The following AGGF1 variants were observed in gnomAD, a reference collection of about 807,000 sequenced individuals.
AGGF1 encodes the protein angiogenic factor with G patch and FHA domains 1.
Under a neutral mutation model 86.5 loss-of-function variants are expected in AGGF1, and 56 were observed. The ratio of observed to expected loss-of-function variants is 0.65; its 90% CI spans 0.52 to 0.81. AGGF1 has a LOEUF of 0.81. Ranked by LOEUF, AGGF1 falls within the 30% of genes least tolerant of loss-of-function variation. The pLI is 0.00. For synonymous variants in AGGF1, 313 were observed against 297.1 expected, an observed-to-expected ratio of 1.05 and a Z score of -0.55; for missense variants, 816 against 850.9, an observed-to-expected ratio of 0.96 and a Z score of 0.51.
At chr5:77,057,570 A>T (rs1020711967) in intron 11 of AGGF1, among the ~76,000 whole-genome samples, 1 of 152,234 alleles carries the variant, frequency 6.6e-6, no homozygotes, top group Non-Finnish European at 1.5e-5. Context: ...GTGAGACGGA[A>T]CACACTCTCA....
Position 77,048,916 on chromosome 5 carries a change from CACTTT to C in AGGF1, c.1314-15_1314-11del, listed in dbSNP as rs768098521. ...AATATGCTTCAAAAATTATTAAAGA[CACTTT>C]ACTTAACTCTGCAGAGAAAAGGATA... On this transcript the variant is annotated splice_polypyrimidine_tract_variant and intron_variant, in intron 7 of 13. Transcript: ENST00000312916. 1.9e-6 allele frequency: 3 copies of C among 1,611,592 alleles called. No homozygotes were observed. Among genetic ancestry groups the C allele is most frequent in the Non-Finnish European group, 2.5e-6 (3 of 1,178,268 alleles).
intron 10 of AGGF1, among the ~76,000 whole-genome samples, chr5:77,054,473 CT>C (rs751975752): frequency 3.3e-5 from 5 of 152,180 alleles, no homozygotes; most frequent in Non-Finnish European, 7.4e-5. Flanking sequence ...GATAAGCTCT[CT>C]TTCTGCTAAT....
chr5:77,040,563 A>G (rs1747057964), intron 5 of AGGF1, among the ~76,000 whole-genome samples: 1 of 152,210 alleles, frequency 6.6e-6, no homozygotes, highest in Admixed American at 6.5e-5. Context: ...GTAGGCTTTC[A>G]GATGGTACTT....
Position 77,035,724 on chromosome 5 carries a change from A to G in AGGF1, c.497A>G (p.His166Arg). Reference protein sequence around the residue: ...TENVKYRQVDHFASNSQEPAS... With the variant: ...TENVKYRQVDRFASNSQEPAS... ...AATGTTAAATATAGACAAGTGGACC[A>G]TTTTGCCTCAAATTCACAGGTAATA... Residue 166 changes from histidine to arginine, a missense_variant, in exon 3 of 14, where the codon CAT (histidine) becomes CGT (arginine). His to Arg is a conservative substitution (Grantham distance 29, BLOSUM62 0). Around this residue, in one of 3 missense-constraint regions of AGGF1, gnomAD observed 240 missense variants for 234.4 expected, o/e 1.02. Coordinates refer to ENST00000312916, the MANE Select transcript of AGGF1 (RefSeq NM_018046.5). 1 of 1,613,540 alleles carries G rather than the reference A, an allele frequency of 6.2e-7. No individual in the cohort carries two copies. The highest frequency in any genetic ancestry group is 8.5e-7 in the Non-Finnish European group (1 of 1,179,626).
intron 9 of AGGF1, 138 bp downstream of exon 9, chr5:77,052,945 G>GAAAGGCTGAA (rs1747400822): frequency 1.3e-6 from 1 of 746,592 alleles, no homozygotes. Context: ...GGAATTTCCA[G>GAAAGGCTGAA]AAAGGCTGAA....
intron 5 of AGGF1, among the ~76,000 whole-genome samples, chr5:77,041,831 T>G (rs1747092755): frequency 6.7e-6 from 1 of 148,674 alleles, no homozygotes; most frequent in Admixed American, 6.7e-5. Context: ...TTTATTTTTT[T>G]ATTGATAATT....
rs1046903932 is a variant in AGGF1 at position 77,063,066 on chromosome 5, T to A, written c.1959T>A (p.Leu653=). 3 of 1,613,924 alleles carry A rather than the reference T, an allele frequency of 1.9e-6. No individual in the cohort carries two copies. The highest frequency in any genetic ancestry group is 2.5e-6 in the Non-Finnish European group (3 of 1,179,976). Residue 653 remains leucine, a synonymous_variant, in exon 14 of 14, where the codon CTT becomes CTA. Transcript: ENST00000312916. ...TTTGGTAACAGATCCAGCTTCAGCT[T>A]CGGCGAACACATGCAGGCTTGGGGA... is the stretch of plus-strand genomic sequence containing the variant. The part of the protein sequence containing the change: ...GGMKTPIQLQ[L]RRTHAGLGTG...
chr5:77,061,558 G>A, intron 12 of AGGF1, 145 bp from the exon 13 acceptor site: 1 of 691,162 alleles, frequency 1.4e-6, no homozygotes, highest in South Asian at 1.7e-5. Context: ...TGTACCAGTG[G>A]AATTTGTGTG....
chr5:77,037,363 A>T (rs1428876322), intron 4 of AGGF1, among the ~76,000 whole-genome samples: 1 of 152,256 alleles, frequency 6.6e-6, no homozygotes, highest in Admixed American at 6.5e-5. Context: ...TAAAAATTAT[A>T]TCAAATACTT....
chr5:77,039,826 A>C, intron 5 of AGGF1, 107 bp downstream of exon 5: 1 of 966,536 alleles, frequency 1.0e-6, no homozygotes. Context: ...CATTTCAAAC[A>C]TACCCATTAA....
Position 77,054,113 on chromosome 5 carries a change from A to T in AGGF1, c.1616A>T (p.Lys539Met). 6.2e-7 allele frequency: 1 copy of T among 1,614,156 alleles called. No homozygotes were observed. Among genetic ancestry groups the T allele is most frequent in the South Asian group, 1.1e-5 (1 of 91,080 alleles). ...GQVRAHLRLD[K>M]KDESFVGPTL... ...GTTAGAGCCCACCTTCGCCTTGATAAGAAAGATGAATCTTTTGGTATGTGA... is the reference window on the plus strand; with the variant it reads ...GTTAGAGCCCACCTTCGCCTTGATATGAAAGATGAATCTTTTGGTATGTGA... Residue 539 changes from lysine (K) to methionine (M), a missense_variant, in exon 10 of 14, where the codon AAG becomes ATG. Transcript: ENST00000312916.
chr5:77,035,781 G>T, intron 3 of AGGF1, 38 bp downstream of exon 3: 1 of 1,545,130 alleles, frequency 6.5e-7, no homozygotes, highest in South Asian at 1.1e-5. Context: ...TGATGCCCAA[G>T]AACCTGTCCT....
At chr5:77,061,656 C>T in intron 12 of AGGF1, 47 bp from the exon 13 acceptor site, 1 of 1,529,612 alleles carries the variant, frequency 6.5e-7, no homozygotes, top group Non-Finnish European at 9.0e-7. Context: ...TAAATGTGAC[C>T]TAAAAGATCT....
intron 1 of AGGF1, among the ~76,000 whole-genome samples, chr5:77,031,379 A>G (rs575402652): frequency 1.3e-5 from 2 of 152,322 alleles, no homozygotes; most frequent in African/African-American, 4.8e-5. Flanking sequence ...TCCCCATTAA[A>G]TGAGAATGAT....
At chr5:77,048,381 G>A (rs1747308709) in intron 7 of AGGF1, 109 bp downstream of exon 7, 1 of 897,548 alleles carries the variant, frequency 1.1e-6, no homozygotes, top group South Asian at 1.6e-5. Context: ...AGACAGAGTT[G>A]TGCTCTGTTG....
At position 77,055,525 on chromosome 5, in the gene AGGF1, CTAAG is replaced by C; in HGVS notation, c.1650_1653del (p.Ser550ArgfsTer12). ...TTTTTTTCTTTCAGTTGGTCCAACACTAAGTAAGGAGGAAAAAGAGTTGGAAAGA... is the reference window on the plus strand; with the variant it reads ...TTTTTTTCTTTCAGTTGGTCCAACACTAAGGAGGAAAAAGAGTTGGAAAGA... On this transcript the variant is annotated frameshift_variant, in exon 11 of 14. Transcript: ENST00000312916. LOFTEE classifies it high-confidence loss of function. 6.3e-7 allele frequency: 1 copy of C among 1,598,264 alleles called. No homozygotes were observed. The highest frequency in any genetic ancestry group is 8.6e-7 in the Non-Finnish European group (1 of 1,168,636).
rs757272098 is a variant in AGGF1, at chr5:77,063,176, C to T, written c.2069C>T (p.Thr690Ile). ...TGGGACAAAGCACGAGAGCGGTTTA[C>T]TGAAAACTTCCCAGAAACTAAGCCT... ...KNWDKARERF[T>I]ENFPETKPQK... Residue 690 changes from threonine to isoleucine, a missense_variant, in exon 14 of 14, where the codon ACT (threonine) becomes ATT (isoleucine). Coordinates refer to ENST00000312916, the MANE Select transcript of AGGF1 (RefSeq NM_018046.5). The T allele has an allele frequency of 2.5e-6, 4 of 1,613,938 alleles. No individual in the cohort carries two copies. Among genetic ancestry groups the T allele is most frequent in the Non-Finnish European group, 3.4e-6 (4 of 1,179,912 alleles).
intron 11 of AGGF1, among the ~76,000 whole-genome samples, chr5:77,057,194 C>A (rs1203776593): frequency 6.6e-6 from 1 of 152,158 alleles, no homozygotes; most frequent in African/African-American, 2.4e-5. Context: ...TTGGTAGTTT[C>A]TTAAAAAGTT....
At chr5:77,037,076 C>T (rs1746982842) in intron 4 of AGGF1, among the ~76,000 whole-genome samples, 1 of 152,130 alleles carries the variant, frequency 6.6e-6, no homozygotes, top group South Asian at 2.1e-4. Flanking sequence ...ATATTTGACT[C>T]AAAACTATTT....
Sources: gnomAD v4.1 joint callset for allele counts (sites outside exome capture counted in the v4.1 genomes callset) on GRCh38, gnomAD v4.1.1 for gene constraint, gnomAD v4.1.1 regional missense constraint, MANE v1.5 for transcripts, NCBI Gene and HGNC (gene_info 2026-07-23, HGNC 2026-07-21) for gene names.